The following SCAPER variants were observed in gnomAD, a reference collection of about 807,000 sequenced individuals.
SCAPER encodes S phase cyclin A-associated protein in the endoplasmic reticulum.
A neutral mutation model predicts 182.2 loss-of-function variants in SCAPER; 98 were observed. The ratio of observed to expected loss-of-function variants is 0.54; its 90% CI spans 0.46 to 0.64. The LOEUF is 0.64. SCAPER is among the 30% of genes least tolerant of loss of function. SCAPER has a pLI of 0.00. For synonymous variants in SCAPER, 605 were observed against 564.6 expected (o/e 1.07, Z -1.01); for missense variants, 1,432 against 1,690.0 (o/e 0.85, Z 2.68).
At chr15:76,765,270 T>C in intron 13 of SCAPER, 67 bp downstream of exon 13, 3 of 1,285,938 alleles carry the variant, frequency 2.3e-6, no homozygotes, top group South Asian at 2.7e-5. Flanking sequence ...AGCAATTTTA[T>C]TTAACAGTCA....
Position 76,701,831 on chromosome 15 carries a change from T to C in SCAPER, c.2435A>G (p.Lys812Arg), listed in dbSNP as rs759040471. The change falls in exon 20 of 32, where the codon AAA becomes AGA. Residue 812 changes from lysine (K) to arginine (R), a missense_variant. Physicochemically the swap from Lys to Arg is conservative, Grantham distance 26. This residue lies in a region of SCAPER where 718 missense variants were observed against 799.7 expected (regional missense o/e 0.90). Coordinates refer to ENST00000563290, the MANE Select transcript of SCAPER (RefSeq NM_020843.4). ...SSEVYLFSHV[K>R]GRKHQQAVRE... ...CACGGCTTGCTGGTGTTTTCTCCCT[T>C]TAACATGGCTAAAAAGATATACCTC... The C allele has an allele frequency of 6.2e-7, 1 of 1,613,806 alleles. No individual in the cohort carries two copies.
chr15:76,691,796 C>A (rs1017539997), intron 20 of SCAPER, among the ~76,000 whole-genome samples: 2 of 152,080 alleles, frequency 1.3e-5, no homozygotes, highest in African/African-American at 4.8e-5. Context: ...CTCTTCTGTA[C>A]ACATGATATC....
At chr15:76,497,989 C>CAAA (rs747096625) in intron 24 of SCAPER, among the ~76,000 whole-genome samples, 13,267 of 57,890 alleles carry the variant, frequency 0.23, 4,376 homozygotes, top group Middle Eastern at 0.3. Flanking sequence ...GACTCCGTCT[C>CAAA]AAAAAAAAAA....
chr15:76,563,169 G>C (rs1302478923), intron 23 of SCAPER, among the ~76,000 whole-genome samples: 1 of 152,118 alleles, frequency 6.6e-6, no homozygotes, highest in African/African-American at 2.4e-5. Flanking sequence ...AAAGGGTTCT[G>C]GGATGCTGAC....
intron 22 of SCAPER, among the ~76,000 whole-genome samples, chr15:76,617,121 TTATGG>T (rs1037153372): frequency 2.6e-5 from 4 of 152,182 alleles, no homozygotes; most frequent in African/African-American, 7.2e-5. Context: ...TCTTTTTTCT[TTATGG>T]TATTTAACCA....
At chr15:76,410,239 A>G (rs2045191795) in intron 26 of SCAPER, among the ~76,000 whole-genome samples, 1 of 152,204 alleles carries the variant, frequency 6.6e-6, no homozygotes, top group Admixed American at 6.5e-5. Flanking sequence ...TGTCCAAATG[A>G]ATGTCATTAT....
At chr15:76,514,808 C>T (rs1287041347) in intron 23 of SCAPER, among the ~76,000 whole-genome samples, 4 of 152,108 alleles carry the variant, frequency 2.6e-5, no homozygotes, top group Non-Finnish European at 5.9e-5. Context: ...GAAAACTTTA[C>T]TAACACTTAA....
intron 5 of SCAPER, among the ~76,000 whole-genome samples, chr15:76,839,253 A>G (rs1443092258): frequency 6.6e-6 from 1 of 152,252 alleles, no homozygotes. Flanking sequence ...GAGACACAGA[A>G]CTGAACTGTG....
intron 20 of SCAPER, among the ~76,000 whole-genome samples, chr15:76,674,017 T>C (rs542197184): frequency 2.7e-5 from 4 of 150,018 alleles, no homozygotes; most frequent in East Asian, 2.0e-4. Flanking sequence ...TGGAGGATAA[T>C]AGGAAACCAG....
At chr15:76,537,980 G>T (rs1175675291) in intron 23 of SCAPER, among the ~76,000 whole-genome samples, 1 of 151,750 alleles carries the variant, frequency 6.6e-6, no homozygotes, top group Non-Finnish European at 1.5e-5. Flanking sequence ...CATCATCACT[G>T]GCCATCAGAG....
At chr15:76,357,819 C>T (rs1426952138) in intron 29 of SCAPER, among the ~76,000 whole-genome samples, 8 of 152,118 alleles carry the variant, frequency 5.3e-5, no homozygotes, top group Non-Finnish European at 8.8e-5. Context: ...ATCTGGAGGC[C>T]ATTATCTTAA....
intron 23 of SCAPER, among the ~76,000 whole-genome samples, chr15:76,544,993 T>C (rs1364085154): frequency 1.3e-5 from 2 of 152,288 alleles, no homozygotes; most frequent in Admixed American, 1.3e-4. Flanking sequence ...ACTACTTGGC[T>C]ACCCTGAAAT....
chr15:76,419,965 T>G (rs2045915040), intron 26 of SCAPER, among the ~76,000 whole-genome samples: 1 of 152,068 alleles, frequency 6.6e-6, no homozygotes, highest in African/African-American at 2.4e-5. Context: ...ATCCCAGGGA[T>G]GAAAGGATGG....
At chr15:76,409,501 G>A (rs888486316) in intron 26 of SCAPER, among the ~76,000 whole-genome samples, 1 of 150,040 alleles carries the variant, frequency 6.7e-6, no homozygotes, top group African/African-American at 2.5e-5. Flanking sequence ...TATACATTAT[G>A]TGTGTGTGTG....
intron 26 of SCAPER, among the ~76,000 whole-genome samples, chr15:76,419,174 C>T (rs1193313816): frequency 1.3e-5 from 2 of 152,186 alleles, no homozygotes; most frequent in East Asian, 3.9e-4. Context: ...ACTAAGTCCA[C>T]TCAGAACCAA....
chr15:76,368,731 GC>G (rs2041965114), intron 29 of SCAPER, among the ~76,000 whole-genome samples: 1 of 152,202 alleles, frequency 6.6e-6, no homozygotes, highest in African/African-American at 2.4e-5. Context: ...AATCTATGGG[GC>G]CTTTCCAAAT....
chr15:76,835,913 A>G (rs2151742404), intron 5 of SCAPER, among the ~76,000 whole-genome samples: 1 of 137,076 alleles, frequency 7.3e-6, no homozygotes, highest in Non-Finnish European at 1.5e-5. Context: ...TCAAGAACAC[A>G]TTTCCATTCA....
chr15:76,711,463 A>G (rs2059560039), intron 17 of SCAPER, among the ~76,000 whole-genome samples: 1 of 152,230 alleles, frequency 6.6e-6, no homozygotes. Context: ...GAAAATTAAA[A>G]TAATGAAATA....
At chr15:76,861,583 G>A (rs2071870869) in intron 3 of SCAPER, among the ~76,000 whole-genome samples, 1 of 151,974 alleles carries the variant, frequency 6.6e-6, no homozygotes, top group African/African-American at 2.4e-5. Context: ...ACTGCCTCTA[G>A]CCATTAAAGG....
Sources: allele counts gnomAD v4.1 joint callset (sites outside exome capture counted in the v4.1 genomes callset), GRCh38; gene constraint gnomAD v4.1.1; regional missense constraint gnomAD v4.1.1; transcripts MANE v1.5; gene names NCBI Gene and HGNC (gene_info 2026-07-23, HGNC 2026-07-21).